Variants in HS6ST3 observed in about 807,000 individuals in gnomAD.
HS6ST3 encodes the protein heparan-sulfate 6-O-sulfotransferase 3.
HS6ST3 carries 12 observed loss-of-function variants against 36.7 expected under a neutral mutation model. The ratio of observed to expected loss-of-function variants is 0.33; its 90% CI spans 0.21 to 0.53. The LOEUF (loss-of-function observed/expected upper bound fraction) is 0.53, where lower values mean the gene tolerates loss of function less well. Among genes scored for constraint, HS6ST3 ranks in the 20% least tolerant of loss-of-function variants. HS6ST3 has a pLI of 0.95. For missense variants in HS6ST3, 584 were observed against 640.9 expected (o/e 0.91, Z 0.96); for synonymous variants, 240 against 257.5 (o/e 0.93, Z 0.65).
At chr13:96,443,919 A>T (rs1262747842) in intron 1 of HS6ST3, among the ~76,000 whole-genome samples, 1 of 152,206 alleles carries the variant, frequency 6.6e-6, no homozygotes, top group Non-Finnish European at 1.5e-5. Flanking sequence ...TGATACTGGA[A>T]AATTAATCAT....
chr13:96,746,605 T>C (rs1876567070), intron 1 of HS6ST3, among the ~76,000 whole-genome samples: 1 of 152,070 alleles, frequency 6.6e-6, no homozygotes. Flanking sequence ...TCTATATTGG[T>C]CCCACATGAA....
At chr13:96,376,536 G>A (rs1002141993) in intron 1 of HS6ST3, among the ~76,000 whole-genome samples, 3 of 152,144 alleles carry the variant, frequency 2.0e-5, no homozygotes, top group Non-Finnish European at 2.9e-5. Flanking sequence ...CATCAAAACT[G>A]TCCAAGGTTG....
intron 1 of HS6ST3, among the ~76,000 whole-genome samples, chr13:96,698,928 C>G (rs1447082105): frequency 6.6e-6 from 1 of 152,062 alleles, no homozygotes; most frequent in East Asian, 1.9e-4. Context: ...CAGAACAGAG[C>G]CCTCAGAAAT....
chr13:96,270,371 A>G lies in HS6ST3; in HGVS notation c.707+178802A>G, dbSNP rs1353736493. On this transcript the variant is annotated intron_variant, in intron 1 of 1. Transcript: ENST00000376705. Reference sequence around the variant, plus strand: ...TTTATTATGGCAGCCCAAGCAGGCTAATAGACCTATTATTCTTTAAAATGG... The same window carrying G: ...TTTATTATGGCAGCCCAAGCAGGCTGATAGACCTATTATTCTTTAAAATGG... 2.0e-5 allele frequency among the ~76,000 whole-genome samples: 3 copies of G among 152,116 alleles called. No homozygotes were observed. The East Asian group carries it at 5.8e-4, about 29-fold the overall frequency.
At chr13:96,126,772 T>C (rs1475634170) in intron 1 of HS6ST3, among the ~76,000 whole-genome samples, 1 of 152,206 alleles carries the variant, frequency 6.6e-6, no homozygotes, top group African/African-American at 2.4e-5. Flanking sequence ...CACAACCCTG[T>C]TGGAGGAAAC....
At chr13:96,198,990 T>G (rs2054328268) in intron 1 of HS6ST3, among the ~76,000 whole-genome samples, 1 of 152,158 alleles carries the variant, frequency 6.6e-6, no homozygotes, top group Non-Finnish European at 1.5e-5. Context: ...GATTTACAGG[T>G]CCACATACCT....
At chr13:96,569,689 A>G (rs1386058724) in intron 1 of HS6ST3, among the ~76,000 whole-genome samples, 1 of 152,198 alleles carries the variant, frequency 6.6e-6, no homozygotes, top group Non-Finnish European at 1.5e-5. Flanking sequence ...AATAAAATAA[A>G]CCTTAGAAAT....
At chr13:96,736,963 A>C (rs1223772433) in intron 1 of HS6ST3, among the ~76,000 whole-genome samples, 2 of 152,248 alleles carry the variant, frequency 1.3e-5, no homozygotes, top group Non-Finnish European at 2.9e-5. Flanking sequence ...CAGGCTCGAA[A>C]TCATAGCACT....
intron 1 of HS6ST3, among the ~76,000 whole-genome samples, chr13:96,377,101 A>G (rs1451932740): frequency 6.7e-6 from 1 of 149,900 alleles, no homozygotes; most frequent in African/African-American, 2.4e-5. Flanking sequence ...TTGGTGGCCC[A>G]TGACTGTAAT....
At chr13:96,239,043 C>A (rs1052563638) in intron 1 of HS6ST3, among the ~76,000 whole-genome samples, 1 of 152,138 alleles carries the variant, frequency 6.6e-6, no homozygotes, top group African/African-American at 2.4e-5. Flanking sequence ...ATGATATGGA[C>A]TGAGGAAGGA....
intron 1 of HS6ST3, among the ~76,000 whole-genome samples, chr13:96,653,679 G>A (rs1468208386): frequency 2.0e-5 from 3 of 152,140 alleles, no homozygotes; most frequent in Admixed American, 1.3e-4. Flanking sequence ...ATGTGTGCAT[G>A]TGTCTTTATA....
At chr13:96,457,303 G>A (rs983166227) in intron 1 of HS6ST3, among the ~76,000 whole-genome samples, 3 of 152,096 alleles carry the variant, frequency 2.0e-5, no homozygotes, top group South Asian at 4.1e-4. Flanking sequence ...ACCTTAAGAT[G>A]CCAGGATGGA....
At chr13:96,540,571 CT>C (rs1331454469) in intron 1 of HS6ST3, among the ~76,000 whole-genome samples, 1 of 152,086 alleles carries the variant, frequency 6.6e-6, no homozygotes, top group Non-Finnish European at 1.5e-5. Context: ...CTTTATCAGC[CT>C]TGTTTAGATT....
intron 1 of HS6ST3, among the ~76,000 whole-genome samples, chr13:96,764,504 A>G (rs187093694): frequency 6.6e-5 from 10 of 152,332 alleles, no homozygotes; most frequent in Non-Finnish European, 1.2e-4. Context: ...AAAATCCAAT[A>G]TACTTGATTA....
At chr13:96,181,686 CTG>C (rs1330200840) in intron 1 of HS6ST3, among the ~76,000 whole-genome samples, 3 of 152,174 alleles carry the variant, frequency 2.0e-5, no homozygotes, top group Admixed American at 2.0e-4. Context: ...TTTCAGAACT[CTG>C]TGACTGCCCA....
At chr13:96,256,387 A>G (rs888155829) in intron 1 of HS6ST3, among the ~76,000 whole-genome samples, 1 of 152,240 alleles carries the variant, frequency 6.6e-6, no homozygotes, top group African/African-American at 2.4e-5. Context: ...TCAGTGCTAC[A>G]GTAACCTTCA....
intron 1 of HS6ST3, among the ~76,000 whole-genome samples, chr13:96,092,469 G>T (rs1390927355): frequency 6.6e-6 from 1 of 152,184 alleles, no homozygotes; most frequent in African/African-American, 2.4e-5. Context: ...CTTTGAGAGA[G>T]ACATGGGCTT....
At chr13:96,355,818 CT>C in intron 1 of HS6ST3, among the ~76,000 whole-genome samples, 1 of 152,278 alleles carries the variant, frequency 6.6e-6, no homozygotes, top group Non-Finnish European at 1.5e-5. Context: ...GCATGCAATG[CT>C]GTTTGATAGC....
chr13:96,258,248 A>G (rs1422146853), intron 1 of HS6ST3, among the ~76,000 whole-genome samples: 1 of 152,192 alleles, frequency 6.6e-6, no homozygotes, highest in Non-Finnish European at 1.5e-5. Flanking sequence ...AGTTTCTGGC[A>G]ATGACTGCTT....
Sources: gnomAD v4.1 joint callset for allele counts (sites outside exome capture counted in the v4.1 genomes callset) on GRCh38, gnomAD v4.1.1 for gene constraint, MANE v1.5 for transcripts, NCBI Gene and HGNC (gene_info 2026-07-23, HGNC 2026-07-21) for gene names.